PIK3C2G: variants seen among roughly 807,000 people sequenced by gnomAD.
PIK3C2G encodes the protein phosphatidylinositol 3-kinase C2 domain-containing subunit gamma.
In PIK3C2G, 168 loss-of-function variants were observed where a neutral mutation model predicts 181.1. That is an observed-to-expected ratio of 0.93 (90% CI 0.82 to 1.05). The LOEUF (loss-of-function observed/expected upper bound fraction) is 1.05, where lower values mean the gene tolerates loss of function less well. PIK3C2G is among the 50% of genes least tolerant of loss of function. The pLI is 0.00. For synonymous variants in PIK3C2G, 573 were observed against 592.2 expected (o/e 0.97, Z 0.47); for missense variants, 1,869 against 1,732.8 (o/e 1.08, Z -1.40).
chr12:18,403,689 G>T (rs1385197125), intron 16 of PIK3C2G, among the ~76,000 whole-genome samples: 1 of 152,040 alleles, frequency 6.6e-6, no homozygotes, highest in Admixed American at 6.6e-5. Flanking sequence ...TTAGCAAGAG[G>T]CATGATGAAA....
chr12:18,524,164 G>A (rs1943088507), intron 24 of PIK3C2G, among the ~76,000 whole-genome samples: 1 of 152,136 alleles, frequency 6.6e-6, no homozygotes, highest in African/African-American at 2.4e-5. Flanking sequence ...CCTGCAAAGG[G>A]TCCCAGAAAA....
chr12:18,384,215 CT>C (rs1442511110), intron 14 of PIK3C2G, among the ~76,000 whole-genome samples: 2 of 151,842 alleles, frequency 1.3e-5, no homozygotes, highest in Non-Finnish European at 2.9e-5. Context: ...ATTTTAGAAA[CT>C]TTTTTTAAAC....
intron 8 of PIK3C2G, among the ~76,000 whole-genome samples, chr12:18,338,187 A>G (rs1156312184): frequency 6.6e-6 from 1 of 152,024 alleles, no homozygotes; most frequent in Non-Finnish European, 1.5e-5. Flanking sequence ...GTAATGTCAA[A>G]TTAGAGCTAA....
At chr12:18,294,741 C>A (rs74068694) in intron 5 of PIK3C2G, among the ~76,000 whole-genome samples, 1 of 151,886 alleles carries the variant, frequency 6.6e-6, no homozygotes, top group Non-Finnish European at 1.5e-5. Flanking sequence ...TTATTCTAAA[C>A]AGTAAAGTAT....
At chr12:18,693,151 C>T in the PIK3C2G span, 173 of 1,522,776 alleles carry the variant, frequency 1.1e-4, no homozygotes, top group Middle Eastern at 8.2e-4. Context: ...ATCGTGTCTA[C>T]ATCTGTGGGC....
intron 8 of PIK3C2G, among the ~76,000 whole-genome samples, chr12:18,327,533 C>T (rs560591990): frequency 6.6e-6 from 1 of 152,054 alleles, no homozygotes; most frequent in African/African-American, 2.4e-5. Flanking sequence ...TAGATGATAA[C>T]AATTTTAGGC....
At chr12:18,365,683 C>T (rs889285068) in intron 12 of PIK3C2G, among the ~76,000 whole-genome samples, 1 of 152,082 alleles carries the variant, frequency 6.6e-6, no homozygotes, top group Non-Finnish European at 1.5e-5. Flanking sequence ...TCATTATTCC[C>T]TCACTTTTCT....
intron 29 of PIK3C2G, among the ~76,000 whole-genome samples, chr12:18,586,825 C>A (rs1946807189): frequency 1.3e-5 from 2 of 151,872 alleles, no homozygotes; most frequent in Admixed American, 6.6e-5. Context: ...TATTTGCAAA[C>A]CAAATCAGAA....
At chr12:18,565,814 T>C (rs1386029990) in intron 28 of PIK3C2G, among the ~76,000 whole-genome samples, 1 of 152,118 alleles carries the variant, frequency 6.6e-6, no homozygotes, top group Non-Finnish European at 1.5e-5. Context: ...TTCTGTTTTG[T>C]TCTATCAACA....
chr12:18,379,828 T>G (rs770333747), intron 13 of PIK3C2G, among the ~76,000 whole-genome samples: 1 of 152,138 alleles, frequency 6.6e-6, no homozygotes, highest in Non-Finnish European at 1.5e-5. Context: ...CCAGGTTGGA[T>G]GGTCCTATCA....
the PIK3C2G span, among the ~76,000 whole-genome samples, chr12:18,701,042 T>C: frequency 6.6e-6 from 1 of 151,820 alleles, no homozygotes; most frequent in African/African-American, 2.4e-5. Flanking sequence ...TGGAGTGCAA[T>C]GGCTCGATCT....
At chr12:18,505,217 A>T in intron 23 of PIK3C2G, 75 bp from the exon 24 acceptor site, 2 of 1,256,276 alleles carry the variant, frequency 1.6e-6, no homozygotes, top group Non-Finnish European at 2.2e-6. Flanking sequence ...TTTACTTTTT[A>T]TGATTACCTC....
At position 18,594,526 on chromosome 12, in the gene PIK3C2G, G is replaced by C. The variant is rs1454349548; in HGVS notation, c.4044G>C (p.Glu1348Asp). The change falls in exon 30 of 33, where the codon GAG becomes GAC. Residue 1348 changes from glutamate to aspartate, a missense_variant. Glu to Asp is a conservative substitution (Grantham distance 45). Transcript: ENST00000538779. Reference sequence around the variant, plus strand: ...GTGTACTTAGCTTTTTCCTCTCTGAGGCTGTGCAACAAACAGTTGAAGAAT... The same window carrying C: ...GTGTACTTAGCTTTTTCCTCTCTGACGCTGTGCAACAAACAGTTGAAGAAT... ...SDCVLSFFLSEAVQQTVEESS... is the reference protein window; with the variant it reads ...SDCVLSFFLSDAVQQTVEESS... The C allele has an allele frequency of 6.4e-7, 1 of 1,555,568 alleles. No homozygotes were observed. The highest frequency in any genetic ancestry group is 1.3e-5 in the South Asian group (1 of 79,308).
intron 16 of PIK3C2G, 39 bp downstream of exon 16, chr12:18,399,886 A>G (rs1944147841): frequency 7.4e-7 from 1 of 1,360,396 alleles, no homozygotes; most frequent in African/African-American, 1.4e-5. Context: ...ACTGACTGAG[A>G]AGAACTTGCT....
chr12:18,726,377 C>T, the PIK3C2G span, among the ~76,000 whole-genome samples: 1 of 152,098 alleles, frequency 6.6e-6, no homozygotes, highest in Non-Finnish European at 1.5e-5. Flanking sequence ...TTACAAAAAG[C>T]ACTTTCCCAA....
intron 9 of PIK3C2G, among the ~76,000 whole-genome samples, chr12:18,340,454 A>G (rs1241920201): frequency 6.6e-6 from 1 of 152,214 alleles, no homozygotes; most frequent in Non-Finnish European, 1.5e-5. Context: ...GAAAACAACT[A>G]TTTTGATGAG....
chr12:18,267,187 A>C (rs562942695), intron 1 of PIK3C2G, among the ~76,000 whole-genome samples: 2 of 152,024 alleles, frequency 1.3e-5, no homozygotes, highest in African/African-American at 4.8e-5. Flanking sequence ...TGATGTATCA[A>C]TTCTGCTTTA....
intron 24 of PIK3C2G, among the ~76,000 whole-genome samples, chr12:18,535,557 T>A (rs562149512): frequency 6.6e-6 from 1 of 152,170 alleles, no homozygotes; most frequent in African/African-American, 2.4e-5. Context: ...AGAAATTAAT[T>A]TGATCCATCA....
intron 28 of PIK3C2G, among the ~76,000 whole-genome samples, chr12:18,566,669 AAAT>A (rs1423817054): frequency 3.3e-5 from 5 of 152,164 alleles, no homozygotes; most frequent in Non-Finnish European, 5.9e-5. Flanking sequence ...TTAAAAGACA[AAAT>A]GTGTGGTCTG....
Sources: gnomAD v4.1 joint callset for allele counts (sites outside exome capture counted in the v4.1 genomes callset) on GRCh38, gnomAD v4.1.1 for gene constraint, MANE v1.5 for transcripts, NCBI Gene and HGNC (gene_info 2026-07-23, HGNC 2026-07-21) for gene names.